The following ATRNL1 variants were observed in gnomAD, a reference collection of about 807,000 sequenced individuals.
ATRNL1 encodes attractin like 1.
Under a neutral mutation model 182.7 loss-of-function variants are expected in ATRNL1, and 95 were observed. That is an observed-to-expected ratio of 0.52 (90% CI 0.44 to 0.62). The LOEUF (loss-of-function observed/expected upper bound fraction) is 0.62. Among genes scored for constraint, ATRNL1 ranks in the 20% least tolerant of loss-of-function variants. ATRNL1 has a pLI of 0.00. For synonymous variants in ATRNL1, 576 were observed against 568.3 expected (o/e 1.01, Z -0.19); for missense variants, 1,471 against 1,679.5 (o/e 0.88, Z 2.17).
intron 1 of ATRNL1, among the ~76,000 whole-genome samples, chr10:115,102,289 T>C (rs924950667): frequency 2.6e-5 from 4 of 152,224 alleles, no homozygotes; most frequent in Non-Finnish European, 2.9e-5. Context: ...TTAATGTCTT[T>C]GTACCTTTAT....
At chr10:115,409,918 G>A (rs1337773593) in intron 20 of ATRNL1, among the ~76,000 whole-genome samples, 2 of 151,938 alleles carry the variant, frequency 1.3e-5, no homozygotes, top group Non-Finnish European at 2.9e-5. Flanking sequence ...TTTATGGGGA[G>A]TTTTTTTTAT....
chr10:115,670,404 T>C (rs77979133), intron 26 of ATRNL1, among the ~76,000 whole-genome samples: 4,801 of 152,256 alleles, frequency 0.032, 156 homozygotes, highest in East Asian at 0.18. Flanking sequence ...AAGAATGCAA[T>C]GGATCCTTTT....
chr10:115,483,489 G>A (rs1848868502), intron 24 of ATRNL1, among the ~76,000 whole-genome samples: 1 of 151,204 alleles, frequency 6.6e-6, no homozygotes, highest in African/African-American at 2.4e-5. Flanking sequence ...TTGGTCATTT[G>A]TGCATATACA....
chr10:115,867,317 A>G (rs1951462066), intron 28 of ATRNL1, among the ~76,000 whole-genome samples: 1 of 152,162 alleles, frequency 6.6e-6, no homozygotes, highest in Admixed American at 6.5e-5. Context: ...ATTTAATGTC[A>G]TCTTGATAAC....
intron 8 of ATRNL1, among the ~76,000 whole-genome samples, chr10:115,179,137 T>C (rs1288749083): frequency 3.3e-5 from 5 of 152,156 alleles, no homozygotes; most frequent in African/African-American, 1.2e-4. Context: ...ATTATTTAAA[T>C]TGTGTACTAT....
At chr10:115,893,099 A>G (rs1183521837) in intron 28 of ATRNL1, among the ~76,000 whole-genome samples, 1 of 152,176 alleles carries the variant, frequency 6.6e-6, no homozygotes, top group Non-Finnish European at 1.5e-5. Context: ...TGTAGAGGCC[A>G]TGGGCTTGGC....
At chr10:115,283,143 G>C (rs1852450145) in intron 14 of ATRNL1, among the ~76,000 whole-genome samples, 1 of 152,112 alleles carries the variant, frequency 6.6e-6, no homozygotes. Flanking sequence ...GTCAGGTACG[G>C]TGTCTCACAC....
At chr10:115,606,778 A>T (rs573246045) in intron 26 of ATRNL1, among the ~76,000 whole-genome samples, 114 of 152,144 alleles carry the variant, frequency 7.5e-4, no homozygotes, top group African/African-American at 2.7e-3. Context: ...TTATTTCTAC[A>T]GTGCCAGAAT....
chr10:115,394,522 C>T (rs1242709528), intron 19 of ATRNL1, 137 bp from the exon 20 acceptor site: 12 of 641,414 alleles, frequency 1.9e-5, no homozygotes, highest in Non-Finnish European at 3.2e-5. Flanking sequence ...ATAATTTATA[C>T]TATCTGGTAA....
Position 115,544,825 on chromosome 10 carries a change from A to G in ATRNL1, c.3717-4633A>G, listed in dbSNP as rs1280964884. The stretch of plus-strand genomic sequence containing the variant: ...TCTTCAGGTGTCCAAGATTGTCAAT[A>G]AAGACGGAGACTCTCTAGTAGTCAC... On this transcript the variant is annotated intron_variant, in intron 25 of 28. Coordinates refer to ENST00000355044, the MANE Select transcript of ATRNL1 (RefSeq NM_207303.4). 2.0e-5 allele frequency among the ~76,000 whole-genome samples: 3 copies of G among 152,222 alleles called. No homozygotes were observed. In the East Asian group the frequency reaches 5.8e-4, roughly 29 times the overall value.
At chr10:115,646,798 A>AT (rs1215496222) in intron 26 of ATRNL1, among the ~76,000 whole-genome samples, 1 of 151,712 alleles carries the variant, frequency 6.6e-6, no homozygotes, top group African/African-American at 2.4e-5. Context: ...GCATGTATGA[A>AT]TTTTTTTTAT....
rs2252475 is a variant in ATRNL1 at position 115,234,446 on chromosome 10, A to G, written c.1533-7125A>G. Among the ~76,000 whole-genome samples the G allele has an allele frequency of 8.1e-3, 1,228 of 152,206 alleles. 17 individuals carry two copies. Among genetic ancestry groups the G allele is most frequent in the African/African-American group, 0.028 (1,180 of 41,552 alleles). On this transcript the variant is annotated intron_variant, in intron 9 of 28. Transcript: ENST00000355044. ...TATTTTAAAATATATTTACTAAAAA[A>G]CAAAGATACTCTCTTACATAAGGAT...
intron 28 of ATRNL1, among the ~76,000 whole-genome samples, chr10:115,897,807 A>G (rs2134480355): frequency 6.6e-6 from 1 of 152,344 alleles, no homozygotes; most frequent in East Asian, 1.9e-4. Flanking sequence ...CCAACTCTGG[A>G]TGTCATAAAT....
intron 28 of ATRNL1, among the ~76,000 whole-genome samples, chr10:115,856,162 C>T (rs1951175026): frequency 1.3e-5 from 2 of 152,064 alleles, no homozygotes; most frequent in African/African-American, 4.8e-5. Flanking sequence ...GGCACGGTAG[C>T]TCATGCCTGT....
chr10:115,689,350 GA>G (rs1946318337), intron 26 of ATRNL1, among the ~76,000 whole-genome samples: 1 of 152,094 alleles, frequency 6.6e-6, no homozygotes. Context: ...TTGTTTATTT[GA>G]AATCTTTTTG....
chr10:115,306,844 G>A (rs1476337578), intron 17 of ATRNL1, among the ~76,000 whole-genome samples: 2 of 152,058 alleles, frequency 1.3e-5, no homozygotes, highest in Admixed American at 1.3e-4. Flanking sequence ...TAATTATACA[G>A]TGCAAATATA....
intron 9 of ATRNL1, among the ~76,000 whole-genome samples, chr10:115,223,184 G>A (rs1002636962): frequency 6.6e-6 from 1 of 152,144 alleles, no homozygotes; most frequent in African/African-American, 2.4e-5. Flanking sequence ...GGGAGGCTGA[G>A]GCACGAGAAT....
At chr10:115,551,610 G>T (rs1315124743) in intron 26 of ATRNL1, among the ~76,000 whole-genome samples, 1 of 151,274 alleles carries the variant, frequency 6.6e-6, no homozygotes, top group Non-Finnish European at 1.5e-5. Flanking sequence ...TGTATCTTGA[G>T]GGTTTATGTT....
intron 19 of ATRNL1, among the ~76,000 whole-genome samples, chr10:115,345,378 G>A (rs1389646): frequency 0.96 from 146,470 of 152,274 alleles, 70,668 homozygotes; most frequent in East Asian, 1. Flanking sequence ...TTCTACTATA[G>A]CAGGACAGCA....
Sources: gnomAD v4.1 joint callset for allele counts (sites outside exome capture counted in the v4.1 genomes callset) on GRCh38, gnomAD v4.1.1 for gene constraint, MANE v1.5 for transcripts, NCBI Gene and HGNC (gene_info 2026-07-23, HGNC 2026-07-21) for gene names.